The following RAB11FIP3 variants were observed in gnomAD, a reference collection of about 807,000 sequenced individuals.
RAB11FIP3 encodes the protein RAB11 family interacting protein 3, also known as rab11 family-interacting protein 3.
In RAB11FIP3, 17 loss-of-function variants were observed where a neutral mutation model predicts 77.8. The observed-to-expected ratio is 0.22, with a 90% CI of 0.15 to 0.33. The LOEUF (loss-of-function observed/expected upper bound fraction) is 0.33. Ranked by LOEUF, RAB11FIP3 falls within the 10% of genes least tolerant of loss-of-function variation. RAB11FIP3 has a pLI of 1.00. For missense variants in RAB11FIP3, 1,005 were observed against 1,011.2 expected, an observed-to-expected ratio of 0.99 and a Z score of 0.08; for synonymous variants, 437 against 448.2, an observed-to-expected ratio of 0.98 and a Z score of 0.31.
intron 2 of RAB11FIP3, among the ~76,000 whole-genome samples, chr16:467,900 C>G (rs374738930): frequency 0.081 from 574 of 7,122 alleles, 2 homozygotes; most frequent in East Asian, 0.23. Context: ...GTGCAGGGGC[C>G]TCAGGGAGGA....
Position 520,443 on chromosome 16 carries a change from G to C in RAB11FIP3, c.2017-16G>C. The C allele has an allele frequency of 6.2e-7, 1 of 1,612,922 alleles. No individual in the cohort carries two copies. The highest frequency in any genetic ancestry group is 8.5e-7 in the Non-Finnish European group (1 of 1,179,882). On this transcript the variant is annotated splice_polypyrimidine_tract_variant and intron_variant, in intron 12 of 13. Transcript: ENST00000262305. ...GCAGGGGCCACAGCCCAGTAGTGAT[G>C]TTGCTGTGCCTTCAGGACAACCGCA...
chr16:515,316 G>A (rs906911652), intron 9 of RAB11FIP3, among the ~76,000 whole-genome samples: 10 of 152,228 alleles, frequency 6.6e-5, no homozygotes, highest in African/African-American at 2.4e-4. Flanking sequence ...TGGACTCCAG[G>A]GTTAGAGGCG....
At chr16:513,636 C>A (rs955425508) in intron 9 of RAB11FIP3, among the ~76,000 whole-genome samples, 1 of 152,220 alleles carries the variant, frequency 6.6e-6, no homozygotes, top group African/African-American at 2.4e-5. Flanking sequence ...TTTTGAAATA[C>A]AGTAGTTTTA....
intron 5 of RAB11FIP3, 88 bp downstream of exon 5, chr16:489,088 T>TAA (rs3830847): frequency 0.6 from 862,694 of 1,440,878 alleles, 263,757 homozygotes; most frequent in African/African-American, 0.87. Flanking sequence ...CGTGCATTGG[T>TAA]GAGAGAACTT....
At chr16:465,381 T>C (rs1038386067) in intron 2 of RAB11FIP3, among the ~76,000 whole-genome samples, 1 of 152,176 alleles carries the variant, frequency 6.6e-6, no homozygotes, top group Non-Finnish European at 1.5e-5. Context: ...CAGCCTGTAC[T>C]TCTTGGTCCA....
At chr16:462,508 T>A (rs2055624569) in intron 2 of RAB11FIP3, among the ~76,000 whole-genome samples, 1 of 152,182 alleles carries the variant, frequency 6.6e-6, no homozygotes, top group South Asian at 2.1e-4. Flanking sequence ...GCTGAGGTGC[T>A]GGGATTACAG....
intron 3 of RAB11FIP3, among the ~76,000 whole-genome samples, chr16:474,128 A>AG (rs577016887): frequency 8.5e-5 from 13 of 152,330 alleles, no homozygotes; most frequent in African/African-American, 2.9e-4. Context: ...TTAAAAAAAA[A>AG]AAGTCTAATA....
chr16:491,361 C>A, intron 5 of RAB11FIP3: 1 of 1,211,728 alleles, frequency 8.3e-7, no homozygotes. Flanking sequence ...CCCGAGGCGA[C>A]CAGGAGCCTC....
At chr16:486,698 G>A (rs572767115) in intron 4 of RAB11FIP3, among the ~76,000 whole-genome samples, 102 of 152,298 alleles carry the variant, frequency 6.7e-4, no homozygotes, top group African/African-American at 2.4e-3. Context: ...TTGCATGTGG[G>A]CCTTCTCTGT....
chr16:487,650 G>C (rs8057544), intron 4 of RAB11FIP3, among the ~76,000 whole-genome samples: 99,919 of 152,042 alleles, frequency 0.66, 33,851 homozygotes, highest in African/African-American at 0.83. Context: ...GAGCAGCGCC[G>C]GGCCTGCACA....
Position 514,934 on chromosome 16 carries a change from T to C in RAB11FIP3, c.1641-4009T>C, listed in dbSNP as rs757588053. 2.0e-5 allele frequency among the ~76,000 whole-genome samples: 3 copies of C among 152,216 alleles called. No individual in the cohort carries two copies. Among genetic ancestry groups the C allele is most frequent in the Admixed American group, 6.5e-5 (1 of 15,290 alleles). ...GTGTGTGGTGCTTTCTAGCAGCACG[T>C]GAGCCAAGGAAGCCCAGGGAAGCCT... On this transcript the variant is annotated intron_variant, in intron 9 of 13. Coordinates refer to ENST00000262305, the MANE Select transcript of RAB11FIP3 (RefSeq NM_014700.4). The surrounding 1 kb of genome is among the most constrained non-coding windows in gnomAD (Gnocchi z 4.6).
Position 471,342 on chromosome 16 carries a change from G to A in RAB11FIP3, c.856G>A (p.Glu286Lys). 3 of 1,614,088 alleles carry A rather than the reference G, an allele frequency of 1.9e-6. No individual in the cohort carries two copies. The South Asian group carries it at 3.3e-5, about 18-fold the overall frequency. The part of the protein sequence containing the change: ...YGGVASAQDE[E>K]PLACPDEFDD... ...TGGTGTCGCTTCTGCCCAAGATGAG[G>A]AGCCCCTGGCCTGCCCGGACGAGTT... The change falls in exon 3 of 14, where the codon GAG becomes AAG. Residue 286 changes from glutamate to lysine, a missense_variant. Physicochemically the swap from Glu to Lys is moderately conservative, Grantham distance 56. Transcript: ENST00000262305. The surrounding 1 kb of genome is among the most constrained non-coding windows in gnomAD (Gnocchi z 4.4).
In RAB11FIP3 at chr16:471,237, G is replaced by A; in HGVS notation, c.809-58G>A. On this transcript the variant is annotated intron_variant, in intron 2 of 13. Transcript: ENST00000262305. The surrounding 1 kb of genome is among the most constrained non-coding windows in gnomAD (Gnocchi z 4.4). ...CCCAGGGAGTCCCGAGGCCGCCAGGGGTCCCGTCACTGGGTGGCTATGGGT... is the reference window on the plus strand; with the variant it reads ...CCCAGGGAGTCCCGAGGCCGCCAGGAGTCCCGTCACTGGGTGGCTATGGGT... The A allele has an allele frequency of 6.8e-7, 1 of 1,480,606 alleles. No individual in the cohort carries two copies. The highest frequency in any genetic ancestry group is 9.4e-7 in the Non-Finnish European group (1 of 1,064,080). 91.7% of individuals were successfully genotyped at this position (1,480,606 alleles called of 1,614,324 possible). A position where few individuals can be genotyped will look rare whatever the true frequency, so the allele number is the denominator to read the frequency against.
intron 1 of RAB11FIP3, among the ~76,000 whole-genome samples, chr16:457,272 A>G (rs1036632418): frequency 6.6e-5 from 10 of 152,096 alleles, no homozygotes; most frequent in South Asian, 2.1e-4. Context: ...TTAGTGGATC[A>G]TGTTTCTACA....
At chr16:495,830 A>G (rs2141830872) in intron 5 of RAB11FIP3, among the ~76,000 whole-genome samples, 1 of 152,272 alleles carries the variant, frequency 6.6e-6, no homozygotes. Context: ...GGCTGACTGC[A>G]ACCTCTGCCT....
intron 11 of RAB11FIP3, 29 bp downstream of exon 11, chr16:519,920 TC>T: frequency 6.4e-7 from 1 of 1,552,606 alleles, no homozygotes; most frequent in Non-Finnish European, 8.7e-7. Flanking sequence ...CCACGCCCAG[TC>T]CTGCGCCCAG....
intron 3 of RAB11FIP3, among the ~76,000 whole-genome samples, chr16:481,293 C>T (rs2056037007): frequency 6.6e-6 from 1 of 151,468 alleles, no homozygotes; most frequent in South Asian, 2.1e-4. Context: ...GGTGGATCAC[C>T]TGAGGTAAGG....
intron 8 of RAB11FIP3, among the ~76,000 whole-genome samples, chr16:509,587 T>C (rs1220210383): frequency 6.6e-6 from 1 of 152,340 alleles, no homozygotes; most frequent in South Asian, 2.1e-4. Flanking sequence ...CTGCGGATGG[T>C]TGTGAAGATC....
At chr16:432,426 A>G (rs571867799) in intron 1 of RAB11FIP3, among the ~76,000 whole-genome samples, 1 of 152,096 alleles carries the variant, frequency 6.6e-6, no homozygotes, top group East Asian at 1.9e-4. Context: ...AGTAGATAAA[A>G]TAAGAAAAAT....
Sources: allele counts gnomAD v4.1 joint callset (sites outside exome capture counted in the v4.1 genomes callset), GRCh38; gene constraint gnomAD v4.1.1; non-coding constraint Gnocchi (gnomAD v3.1); transcripts MANE v1.5; gene names NCBI Gene and HGNC (gene_info 2026-07-23, HGNC 2026-07-21).